CEP128: variants seen among roughly 807,000 people sequenced by gnomAD.
The protein encoded by CEP128 is centrosomal protein 128.
A neutral mutation model predicts 156.7 loss-of-function variants in CEP128; 132 were observed. The ratio of observed to expected loss-of-function variants is 0.84; its 90% confidence interval spans 0.73 to 0.97. The LOEUF (loss-of-function observed/expected upper bound fraction) is 0.97. Ranked by LOEUF, CEP128 falls within the 50% of genes least tolerant of loss-of-function variation. The probability of loss-of-function intolerance (pLI) is 0.00; values close to 1 mark genes in which losing one functional copy is unlikely to be tolerated. For missense variants in CEP128, 1,252 were observed against 1,281.9 expected, an observed-to-expected ratio of 0.98 and a Z score of 0.36; for synonymous variants, 469 against 448.9, an observed-to-expected ratio of 1.04 and a Z score of -0.57.
At chr14:80,489,799 A>G (rs985114272), downstream of CEP128, among the ~76,000 whole-genome samples, 1 of 151,760 alleles carries the variant, frequency 6.6e-6, no homozygotes, top group Admixed American at 6.6e-5. Context: ...GAAAAAGACA[A>G]TTGTTTAGGA....
At chr14:80,831,088 T>C (rs764776514) in intron 13 of CEP128, 55 bp downstream of exon 13, 2 of 1,477,828 alleles carry the variant, frequency 1.4e-6, no homozygotes, top group Non-Finnish European at 1.9e-6. Context: ...CATTAAGCAA[T>C]TCCATGAGAT....
intron 19 of CEP128, among the ~76,000 whole-genome samples, chr14:80,598,701 A>G (rs930321772): frequency 3.9e-5 from 6 of 152,202 alleles, no homozygotes; most frequent in African/African-American, 1.2e-4. Context: ...GGAAGAAATA[A>G]GTATACCCAA....
chr14:80,813,416 T>G (rs1884673478), intron 13 of CEP128, among the ~76,000 whole-genome samples: 1 of 152,166 alleles, frequency 6.6e-6, no homozygotes, highest in Non-Finnish European at 1.5e-5. Context: ...AAAGTCTAGT[T>G]TATAATTTTT....
intron 8 of CEP128, among the ~76,000 whole-genome samples, chr14:80,865,876 G>C (rs1045214487): frequency 1.3e-5 from 2 of 152,096 alleles, no homozygotes; most frequent in African/African-American, 4.8e-5. Flanking sequence ...ACAATGGCTT[G>C]TCATTCCAGT....
At chr14:80,558,517 T>C (rs577645271) in intron 21 of CEP128, among the ~76,000 whole-genome samples, 16 of 152,178 alleles carry the variant, frequency 1.1e-4, no homozygotes, top group Non-Finnish European at 2.2e-4. Flanking sequence ...CTCGATCTCC[T>C]GACCTTGTGA....
chr14:80,543,943 GT>G (rs1463319629), intron 21 of CEP128, among the ~76,000 whole-genome samples: 1 of 152,094 alleles, frequency 6.6e-6, no homozygotes, highest in South Asian at 2.1e-4. Flanking sequence ...GACACTTCGA[GT>G]GTGCTATGAA....
chr14:80,623,669 G>T (rs1350191589), intron 19 of CEP128, among the ~76,000 whole-genome samples: 6 of 151,118 alleles, frequency 4.0e-5, no homozygotes, highest in Non-Finnish European at 7.4e-5. Context: ...TCTTCAATAT[G>T]TAAAAGCAGT....
chr14:80,580,903 T>G (rs1045586837), intron 19 of CEP128, among the ~76,000 whole-genome samples: 3 of 152,174 alleles, frequency 2.0e-5, no homozygotes, highest in African/African-American at 4.8e-5. Flanking sequence ...CACCCTGGAA[T>G]AATAGGTGTT....
At chr14:80,709,078 TATAA>T (rs1174870126) in intron 19 of CEP128, among the ~76,000 whole-genome samples, 2 of 151,010 alleles carry the variant, frequency 1.3e-5, no homozygotes, top group African/African-American at 4.8e-5. Context: ...AAAATAAAAA[TATAA>T]ATAAATAAAA....
intron 10 of CEP128, among the ~76,000 whole-genome samples, chr14:80,838,616 C>T (rs557294443): frequency 1.3e-5 from 2 of 152,098 alleles, no homozygotes; most frequent in East Asian, 3.9e-4. Context: ...AAGATCCCTT[C>T]CAGTTCTAAA....
intron 2 of CEP128, chr14:80,954,959 C>T (rs1233085924): frequency 1.3e-5 from 2 of 153,298 alleles, no homozygotes; most frequent in African/African-American, 4.8e-5. Context: ...CTCGCGGAGC[C>T]GCGGGCTGCA....
intron 19 of CEP128, among the ~76,000 whole-genome samples, chr14:80,684,463 CA>C (rs1448971079): frequency 6.6e-6 from 1 of 151,724 alleles, no homozygotes; most frequent in Non-Finnish European, 1.5e-5. Flanking sequence ...AAAAATCTAC[CA>C]ACCAAAATAG....
intron 6 of CEP128, among the ~76,000 whole-genome samples, chr14:80,902,909 A>T (rs553568488): frequency 7.9e-5 from 12 of 152,312 alleles, no homozygotes; most frequent in African/African-American, 2.9e-4. Context: ...ACTCACTTTT[A>T]AATGTTCTGC....
intron 14 of CEP128, among the ~76,000 whole-genome samples, chr14:80,791,202 T>C (rs979160072): frequency 5.3e-5 from 8 of 152,192 alleles, no homozygotes; most frequent in Admixed American, 5.2e-4. Context: ...TGAAAAACCA[T>C]TGCTCTAACT....
At chr14:80,872,952 C>T (rs773536053) in intron 8 of CEP128, among the ~76,000 whole-genome samples, 1 of 152,168 alleles carries the variant, frequency 6.6e-6, no homozygotes, top group Non-Finnish European at 1.5e-5. Context: ...GGACTATACA[C>T]ACCCATAAGA....
intron 19 of CEP128, among the ~76,000 whole-genome samples, chr14:80,621,961 T>C (rs1893498183): frequency 6.6e-6 from 1 of 152,082 alleles, no homozygotes; most frequent in South Asian, 2.1e-4. Flanking sequence ...GGTTTGTTTA[T>C]GAGCAGGTAT....
chr14:80,815,314 A>G (rs1884787994), intron 13 of CEP128, among the ~76,000 whole-genome samples: 1 of 152,220 alleles, frequency 6.6e-6, no homozygotes, highest in Non-Finnish European at 1.5e-5. Flanking sequence ...ATATGAAAAA[A>G]TGCCCAACAT....
In CEP128 at chr14:80,880,901, TA is replaced by T. The variant is rs1555359334; in HGVS notation, c.645+14816del. Among the ~76,000 whole-genome samples the T allele has an allele frequency of 5.6e-3, 773 of 139,086 alleles. 5 individuals are homozygous for T. Among genetic ancestry groups the T allele is most frequent in the Non-Finnish European group, 8.3e-3 (545 of 65,834 alleles). 91.2% of individuals were successfully genotyped at this position (139,086 alleles called of 152,430 possible). A position where few individuals can be genotyped will look rare whatever the true frequency, so the allele number is the denominator to read the frequency against. On this transcript the variant is annotated intron_variant, in intron 8 of 24. Coordinates refer to ENST00000555265, the MANE Select transcript of CEP128 (RefSeq NM_152446.5). ...ATAATAATAATAATAATAATAATAA[TA>T]ATAATAATTTCAGTAAAGGATACAA...
At chr14:80,574,426 A>C (rs1352728199) in intron 20 of CEP128, among the ~76,000 whole-genome samples, 5 of 152,258 alleles carry the variant, frequency 3.3e-5, no homozygotes, top group East Asian at 3.9e-4. Flanking sequence ...GAAATTATCC[A>C]CCTGGTCGAT....
Sources: allele counts gnomAD v4.1 joint callset (sites outside exome capture counted in the v4.1 genomes callset), GRCh38; gene constraint gnomAD v4.1.1; transcripts MANE v1.5; gene names NCBI Gene and HGNC (gene_info 2026-07-23, HGNC 2026-07-21).